XPR1: variants seen among roughly 807,000 people sequenced by gnomAD.
XPR1 encodes the protein xenotropic and polytropic retrovirus receptor 1.
Under a neutral mutation model 87.5 loss-of-function variants are expected in XPR1, and 28 were observed. The observed-to-expected ratio is 0.32, with a 90% CI of 0.24 to 0.44. The LOEUF (loss-of-function observed/expected upper bound fraction) is 0.44, where lower values mean the gene tolerates loss of function less well. XPR1 is among the 20% of genes least tolerant of loss of function. The pLI, the probability that XPR1 is intolerant of heterozygous loss-of-function variation, is 1.00. For synonymous variants in XPR1, 300 were observed against 306.1 expected (o/e 0.98, Z 0.21); for missense variants, 559 against 862.3 (o/e 0.65, Z 4.41).
chr1:180,818,498 A>C (rs2102142161), intron 7 of XPR1, among the ~76,000 whole-genome samples: 1 of 152,168 alleles, frequency 6.6e-6, no homozygotes, highest in South Asian at 2.1e-4. Flanking sequence ...GCTGAGAAAA[A>C]CCAATTTATA....
At chr1:180,687,486 A>T (rs996161509) in intron 2 of XPR1, among the ~76,000 whole-genome samples, 1 of 152,206 alleles carries the variant, frequency 6.6e-6, no homozygotes, top group Non-Finnish European at 1.5e-5. Context: ...ATGTAAACAT[A>T]CTATAAAACT....
chr1:180,726,914 G>A (rs182572579), intron 2 of XPR1, among the ~76,000 whole-genome samples: 19 of 149,998 alleles, frequency 1.3e-4, no homozygotes, highest in Admixed American at 1.1e-3. Flanking sequence ...TCGCTTTGGC[G>A]CCTAGGCTGG....
In XPR1 at chr1:180,890,081, T is replaced by C. The variant is rs948764661; in HGVS notation, c.*6015T>C. 1.3e-5 allele frequency: 2 copies of C among 152,246 alleles called. No individual in the cohort carries two copies. Among genetic ancestry groups the C allele is most frequent in the African/African-American group, 4.8e-5 (2 of 41,468 alleles). 9.4% of individuals were successfully genotyped at this position (152,246 alleles called of 1,614,324 possible). A position where few individuals can be genotyped will look rare whatever the true frequency, so the allele number is the denominator to read the frequency against. On this transcript the variant is annotated 3_prime_UTR_variant, in exon 15 of 15. Coordinates refer to ENST00000367590, the MANE Select transcript of XPR1 (RefSeq NM_004736.4). ...GGTAGAATTCTTATGACTTATGAAG[T>C]TCCCTTCTTGATAAGTAGGTTAAAT...
rs1366226665 is a variant in XPR1, at chr1:180,852,554, C to T, written c.1502-11154C>T. Among the ~76,000 whole-genome samples the T allele has an allele frequency of 2.0e-5, 3 of 152,014 alleles. No homozygotes were observed. The East Asian group carries it at 5.8e-4, about 29-fold the overall frequency. On this transcript the variant is annotated intron_variant, in intron 11 of 14. Transcript: ENST00000367590. ...ACAGTCACATAACTCTTATGGTTTTCGTTTTGTTTTTTGAGACAGGGTCTC... is the reference window on the plus strand; with the variant it reads ...ACAGTCACATAACTCTTATGGTTTTTGTTTTGTTTTTTGAGACAGGGTCTC...
chr1:180,706,888 G>A (rs182828098), intron 2 of XPR1, among the ~76,000 whole-genome samples: 188 of 152,236 alleles, frequency 1.2e-3, no homozygotes, highest in Middle Eastern at 6.8e-3. Flanking sequence ...AAAGTGTTGG[G>A]ATTACAGGCG....
At chr1:180,817,093 GTAAAAA>G (rs1249830722) in intron 7 of XPR1, among the ~76,000 whole-genome samples, 2 of 151,360 alleles carry the variant, frequency 1.3e-5, no homozygotes, top group Non-Finnish European at 2.9e-5. Flanking sequence ...GGTTTAAAAA[GTAAAAA>G]TAAAAATTAA....
chr1:180,724,709 T>C (rs1468677235), intron 2 of XPR1, among the ~76,000 whole-genome samples: 1 of 152,220 alleles, frequency 6.6e-6, no homozygotes, highest in African/African-American at 2.4e-5. Flanking sequence ...ATAAACGTTA[T>C]TTAGCTAGAA....
intron 11 of XPR1, among the ~76,000 whole-genome samples, chr1:180,862,970 GTATAAC>G (rs1435371033): frequency 2.6e-5 from 4 of 152,026 alleles, no homozygotes; most frequent in Non-Finnish European, 2.9e-5. Context: ...TGATTAAATT[GTATAAC>G]TATATTTGTG....
intron 8 of XPR1, 98 bp from the exon 9 acceptor site, chr1:180,825,067 T>C (rs191571557): frequency 1.5e-5 from 22 of 1,501,572 alleles, no homozygotes; most frequent in African/African-American, 1.3e-4. Context: ...TAACTAATCA[T>C]GTTTCTTACT....
chr1:180,780,037 G>T (rs1295389827), intron 2 of XPR1, among the ~76,000 whole-genome samples: 2 of 152,090 alleles, frequency 1.3e-5, no homozygotes, highest in African/African-American at 4.8e-5. Context: ...ATATTCAATT[G>T]TATGGATATG....
chr1:180,656,435 TTATATATAAATATTTATATATTTATA>T (rs1557941362), intron 1 of XPR1, among the ~76,000 whole-genome samples: 1 of 10,030 alleles, frequency 1.0e-4, no homozygotes, highest in Non-Finnish European at 2.5e-4. Context: ...ATTTATATAT[TTATATATAAATATTTATATATTTATA>T]TATAATATTT....
chr1:180,644,446 G>T, intron 1 of XPR1, among the ~76,000 whole-genome samples: 1 of 147,784 alleles, frequency 6.8e-6, no homozygotes, highest in Non-Finnish European at 1.5e-5. Context: ...TACTGATACT[G>T]GTCTGTGACT....
intron 2 of XPR1, among the ~76,000 whole-genome samples, chr1:180,776,685 C>G (rs1358645920): frequency 6.6e-6 from 1 of 152,112 alleles, no homozygotes. Flanking sequence ...TCCCACTTTA[C>G]TAATGAATTA....
intron 1 of XPR1, among the ~76,000 whole-genome samples, chr1:180,680,371 T>C (rs918079235): frequency 2.9e-5 from 4 of 138,508 alleles, no homozygotes; most frequent in Non-Finnish European, 6.3e-5. Flanking sequence ...TTTTTTTTTT[T>C]TTTTTTTTTT....
At chr1:180,732,192 CAAAAA>C (rs5779071) in intron 2 of XPR1, among the ~76,000 whole-genome samples, 1 of 107,786 alleles carries the variant, frequency 9.3e-6, no homozygotes. Context: ...GACTCCATCT[CAAAAA>C]AAAAAAAAAA....
chr1:180,748,400 C>CT (rs71297873), intron 2 of XPR1, among the ~76,000 whole-genome samples: 1,100 of 29,632 alleles, frequency 0.037, 355 homozygotes, highest in Non-Finnish European at 0.056. Context: ...TTATTTATGT[C>CT]TTTTTTTTTT....
At position 180,781,717 on chromosome 1, in the gene XPR1, G is replaced by A. The variant is rs1036264488; in HGVS notation, c.122-6036G>A. On this transcript the variant is annotated intron_variant, in intron 2 of 14. Coordinates refer to ENST00000367590, the MANE Select transcript of XPR1 (RefSeq NM_004736.4). Reference sequence around the variant, plus strand: ...AACTTTTAGGGTACATGTGTACAACGTGCAGACTTGTTACATATGTATACA... The same window carrying A: ...AACTTTTAGGGTACATGTGTACAACATGCAGACTTGTTACATATGTATACA... 6.8e-4 allele frequency among the ~76,000 whole-genome samples: 102 copies of A among 150,850 alleles called. 2 individuals are homozygous for A. Among genetic ancestry groups the A allele is most frequent in the Non-Finnish European group, 1.3e-3 (90 of 67,802 alleles).
intron 1 of XPR1, among the ~76,000 whole-genome samples, chr1:180,668,751 T>G (rs867554025): frequency 6.6e-6 from 1 of 152,218 alleles, no homozygotes; most frequent in Non-Finnish European, 1.5e-5. Context: ...AATTTCATAC[T>G]GTTATGATCA....
chr1:180,744,650 C>CTCTTTTTTTTTTT lies in XPR1; in HGVS notation c.122-43102_122-43101insCTTTTTTTTTTTT, dbSNP rs1553243737. On this transcript the variant is annotated intron_variant, in intron 2 of 14. Coordinates refer to ENST00000367590, the MANE Select transcript of XPR1 (RefSeq NM_004736.4). ...ACTTGTTCAGGTTTAGGCACAATTT[C>CTCTTTTTTTTTTT]TTTCTTTTTTTTTTTTTTGAGACAG... Among the ~76,000 whole-genome samples, 44 of 56,938 alleles carry CTCTTTTTTTTTTT rather than the reference C, an allele frequency of 7.7e-4. 1 individual carries two copies. The highest frequency in any genetic ancestry group is 2.6e-3 in the African/African-American group (44 of 17,120). 37.4% of individuals were successfully genotyped at this position (56,938 alleles called of 152,430 possible). A position where few individuals can be genotyped will look rare whatever the true frequency, so the allele number is the denominator to read the frequency against.
Sources: gnomAD v4.1 joint callset for allele counts (sites outside exome capture counted in the v4.1 genomes callset) on GRCh38, gnomAD v4.1.1 for gene constraint, MANE v1.5 for transcripts, NCBI Gene and HGNC (gene_info 2026-07-23, HGNC 2026-07-21) for gene names.